SSUH2: variants seen among roughly 807,000 people sequenced by gnomAD.
The protein encoded by SSUH2 is protein SSUH2 homolog.
A neutral mutation model predicts 55.3 loss-of-function variants in SSUH2; 47 were observed. The observed-to-expected ratio is 0.85, with a 90% CI of 0.67 to 1.08. The LOEUF (loss-of-function observed/expected upper bound fraction) is 1.08. Ranked by LOEUF, SSUH2 falls within the 50% of genes least tolerant of loss-of-function variation. The pLI, the probability that SSUH2 is intolerant of heterozygous loss-of-function variation, is 0.00. For missense variants in SSUH2, 535 were observed against 490.7 expected (o/e 1.09, Z -0.85); for synonymous variants, 212 against 191.5 (o/e 1.11, Z -0.89).
upstream of SSUH2, among the ~76,000 whole-genome samples, chr3:8,649,166 C>A (rs1318622012): frequency 6.6e-6 from 1 of 152,172 alleles, no homozygotes; most frequent in African/African-American, 2.4e-5. Flanking sequence ...CCCAAGAGCA[C>A]CCCCAGCTAA....
chr3:8,640,688 G>A (rs1559416293), intron 1 of SSUH2, among the ~76,000 whole-genome samples: 1 of 152,178 alleles, frequency 6.6e-6, no homozygotes, highest in African/African-American at 2.4e-5. Context: ...AAGCCTGCTG[G>A]AGAGAGAAGC....
At chr3:8,664,647 C>A (rs1575346353) in intron 5 of SSUH2, among the ~76,000 whole-genome samples, 1 of 152,162 alleles carries the variant, frequency 6.6e-6, no homozygotes, top group South Asian at 2.1e-4. Context: ...GATTACAAAC[C>A]TGGAGGACAG....
At chr3:8,662,183 T>G (rs1233491746) in intron 6 of SSUH2, among the ~76,000 whole-genome samples, 3 of 152,244 alleles carry the variant, frequency 2.0e-5, no homozygotes, top group African/African-American at 7.2e-5. Flanking sequence ...CAAGAATGTT[T>G]GTTATGCAAA....
At chr3:8,663,729 C>T (rs1417308646) in intron 6 of SSUH2, 2 of 449,950 alleles carry the variant, frequency 4.4e-6, no homozygotes, top group Admixed American at 2.4e-5. Flanking sequence ...CACACTGGTC[C>T]ATAGACGCTC....
chr3:8,642,879 T>C (rs561619643), intron 1 of SSUH2, among the ~76,000 whole-genome samples: 4 of 152,178 alleles, frequency 2.6e-5, no homozygotes, highest in Non-Finnish European at 5.9e-5. Context: ...CATTAACTTT[T>C]TCTAAAAGTT....
chr3:8,630,290 A>G (rs753100024), intron 6 of SSUH2, among the ~76,000 whole-genome samples: 2 of 152,218 alleles, frequency 1.3e-5, no homozygotes, highest in African/African-American at 2.4e-5. Context: ...CAGTAACCGG[A>G]AAAGAACACA....
upstream of SSUH2, among the ~76,000 whole-genome samples, chr3:8,647,540 TGAG>T (rs145844894): frequency 0.018 from 2,679 of 152,256 alleles, 81 homozygotes; most frequent in African/African-American, 0.061. Flanking sequence ...AGGACCGTGG[TGAG>T]GAGAAGTACT....
At chr3:8,651,467 A>T (rs1306057916) in intron 7 of SSUH2, among the ~76,000 whole-genome samples, 1 of 152,198 alleles carries the variant, frequency 6.6e-6, no homozygotes. Context: ...ACCATGGCCC[A>T]GGGCTTCCTC....
chr3:8,655,447 G>A (rs1483501950), intron 7 of SSUH2, among the ~76,000 whole-genome samples: 1 of 141,024 alleles, frequency 7.1e-6, no homozygotes, highest in African/African-American at 2.7e-5. Flanking sequence ...CACAGTGGGT[G>A]GCCTCTTCCC....
chr3:8,636,198 T>G (rs1187668823), intron 1 of SSUH2, among the ~76,000 whole-genome samples: 1 of 152,230 alleles, frequency 6.6e-6, no homozygotes, highest in African/African-American at 2.4e-5. Context: ...GGAAGATATG[T>G]GACTGCCTCA....
At chr3:8,629,748 G>C in intron 6 of SSUH2, 22 bp from the exon 7 acceptor site, 1 of 1,613,626 alleles carries the variant, frequency 6.2e-7, no homozygotes, top group South Asian at 1.1e-5. Context: ...ACGCTTTCTT[G>C]GGATCTAGTT....
chr3:8,669,864 G>A (rs1309086434), intron 5 of SSUH2, among the ~76,000 whole-genome samples: 3 of 92,056 alleles, frequency 3.3e-5, no homozygotes, highest in South Asian at 3.8e-4. Flanking sequence ...GTCACAGATC[G>A]GAGGAGAACG....
rs750248388 is a variant in SSUH2 at position 8,626,192 on chromosome 3, C to A, written c.767+37G>T. On this transcript the variant is annotated intron_variant, in intron 9 of 11. Coordinates refer to ENST00000544814, the MANE Select transcript of SSUH2 (RefSeq NM_001256748.3). ...AGTCCAGGGCTAAGTCCCTCAGCCA[C>A]CCCCGCATGCCACAGCATTGAGACA... is the stretch of plus-strand genomic sequence containing the variant. The A allele has an allele frequency of 2.6e-6, 4 of 1,558,088 alleles. No individual in the cohort carries two copies. In the African/African-American group the frequency reaches 5.4e-5, roughly 21 times the overall value.
chr3:8,632,614 C>T (rs1263176226), intron 4 of SSUH2, among the ~76,000 whole-genome samples: 4 of 152,236 alleles, frequency 2.6e-5, no homozygotes, highest in Non-Finnish European at 5.9e-5. Context: ...CAAGGTCACA[C>T]AGCCACACAG....
chr3:8,676,508 T>A (rs1048842140), intron 3 of SSUH2, among the ~76,000 whole-genome samples: 1 of 150,824 alleles, frequency 6.6e-6, no homozygotes, highest in African/African-American at 2.4e-5. Flanking sequence ...GGAATATTAT[T>A]AAGGACCATC....
rs114469671 is a variant in SSUH2 at position 8,635,462 on chromosome 3, T to C, written c.128-81A>G. On this transcript the variant is annotated intron_variant, in intron 2 of 11. Transcript: ENST00000544814. Reference sequence around the variant, plus strand: ...GTGTGGTGGAAGAAGGAAAGACTGATTGAATGTGAGAAAGAACAGATGAAG... The same window carrying C: ...GTGTGGTGGAAGAAGGAAAGACTGACTGAATGTGAGAAAGAACAGATGAAG... The C allele has an allele frequency of 6.6e-3, 6,980 of 1,053,996 alleles. 211 individuals are homozygous for C. In the African/African-American group the frequency reaches 0.075, roughly 11 times the overall value. The allele number at this position is 1,053,996 out of a possible 1,614,324, so 65.3% of individuals were successfully genotyped here. A position where few individuals can be genotyped will look rare whatever the true frequency, so the allele number is the denominator to read the frequency against.
At position 8,632,192 on chromosome 3, in the gene SSUH2, C is replaced by T. The variant is rs1698931293; in HGVS notation, c.340-83G>A. 2.5e-6 allele frequency: 3 copies of T among 1,215,630 alleles called. No individual in the cohort carries two copies. In the Admixed American group the frequency reaches 5.2e-5, roughly 21 times the overall value. The allele number at this position is 1,215,630 out of a possible 1,614,324, so 75.3% of individuals were successfully genotyped here. The stretch of plus-strand genomic sequence containing the variant: ...TGCAAAAAGATGAAGCTGTTACCCT[C>T]CCAGGGCTCAGTGGGGAAACTGAGA... On this transcript the variant is annotated intron_variant, in intron 4 of 11. Transcript: ENST00000544814.
intron 1 of SSUH2, among the ~76,000 whole-genome samples, chr3:8,680,089 CAG>C: frequency 6.6e-6 from 1 of 152,260 alleles, no homozygotes; most frequent in East Asian, 1.9e-4. Context: ...TTGTATGCAT[CAG>C]AGAGAGAAAA....
chr3:8,633,221 A>G (rs551540615), intron 4 of SSUH2, among the ~76,000 whole-genome samples: 22 of 143,260 alleles, frequency 1.5e-4, no homozygotes, highest in South Asian at 2.2e-4. Context: ...TCAGCTCACC[A>G]CAACCTCCGC....
Sources: allele counts gnomAD v4.1 joint callset (sites outside exome capture counted in the v4.1 genomes callset), GRCh38; gene constraint gnomAD v4.1.1; transcripts MANE v1.5; gene names NCBI Gene and HGNC (gene_info 2026-07-23, HGNC 2026-07-21).